PRKD3: variants seen among roughly 807,000 people sequenced by gnomAD.
PRKD3 encodes protein kinase D3, also known as serine/threonine-protein kinase D3.
PRKD3 carries 47 observed loss-of-function variants against 99.2 expected under a neutral mutation model. The ratio of observed to expected loss-of-function variants is 0.47; its 90% CI spans 0.38 to 0.60. PRKD3 has a LOEUF of 0.60. PRKD3 is among the 20% of genes least tolerant of loss of function. PRKD3 has a pLI of 0.00. For synonymous variants in PRKD3, 392 were observed against 355.4 expected (o/e 1.10, Z -1.16); for missense variants, 1,019 against 1,088.4 (o/e 0.94, Z 0.90).
At chr2:37,268,217 C>T (rs1304731658) in intron 13 of PRKD3, 4 of 428,204 alleles carry the variant, frequency 9.3e-6, no homozygotes, top group Admixed American at 3.0e-5. Flanking sequence ...TTTAGATTAA[C>T]TCATTTGTCT....
intron 7 of PRKD3, 120 bp from the exon 8 acceptor site, chr2:37,280,049 T>C (rs1172716156): frequency 7.5e-6 from 5 of 667,726 alleles, no homozygotes; most frequent in African/African-American, 1.9e-5. Flanking sequence ...AAGTAAAGTA[T>C]TTCTCTTTTT....
intron 15 of PRKD3, among the ~76,000 whole-genome samples, 181 bp from the exon 16 acceptor site, chr2:37,259,862 TATTTA>T (rs1668275009): frequency 6.6e-6 from 1 of 152,186 alleles, no homozygotes; most frequent in Non-Finnish European, 1.5e-5. Context: ...AAAGTACTGC[TATTTA>T]ATTATTTTAG....
rs138224322 is a variant in PRKD3, at chr2:37,266,845, T to C, written c.1884+585A>G. Among the ~76,000 whole-genome samples, 76 of 152,270 alleles carry C rather than the reference T, an allele frequency of 5.0e-4. No homozygotes were observed. In the East Asian group the frequency reaches 9.3e-3, roughly 19 times the overall value. Reference sequence around the variant, plus strand: ...AATAATATGCAAAAACTATATAACGTACATTTGCATATTATAAATTATTTA... The same window carrying C: ...AATAATATGCAAAAACTATATAACGCACATTTGCATATTATAAATTATTTA... On this transcript the variant is annotated intron_variant, in intron 14 of 18. Transcript: ENST00000234179.
chr2:37,277,312 C>G (rs1669622727), intron 9 of PRKD3, among the ~76,000 whole-genome samples: 1 of 152,098 alleles, frequency 6.6e-6, no homozygotes, highest in South Asian at 2.1e-4. Flanking sequence ...AAGTAACTTT[C>G]CCAAGTTCAT....
At chr2:37,257,337 CATAAAGGTACTCAA>C (rs934666701) in intron 16 of PRKD3, among the ~76,000 whole-genome samples, 12 of 152,092 alleles carry the variant, frequency 7.9e-5, no homozygotes, top group Non-Finnish European at 1.6e-4. Context: ...TGCCTGGACA[CATAAAGGTACTCAA>C]TGTTTGCTGA....
At chr2:37,306,229 C>A (rs1288128433) in intron 2 of PRKD3, among the ~76,000 whole-genome samples, 4 of 152,164 alleles carry the variant, frequency 2.6e-5, no homozygotes, top group Admixed American at 2.6e-4. Context: ...AGTGGCCTCC[C>A]AGCTGTGATC....
In PRKD3 at chr2:37,259,594, G is replaced by A. The variant is rs369992288; in HGVS notation, c.2134C>T (p.Pro712Ser). The change falls in exon 16 of 19, where the codon CCA becomes TCA. Residue 712 changes from proline (P) to serine (S), a missense_variant. Pro to Ser is a moderately conservative substitution (Grantham distance 74, BLOSUM62 -1). Coordinates refer to ENST00000234179, the MANE Select transcript of PRKD3 (RefSeq NM_005813.6). ...PENVLLASAE[P>S]FPQVKLCDFG... Reference sequence around the variant, plus strand: ...GGAGAATATCTCACCTGAGGAAATGGCTCTGCTGATGCAAGCAGCACATTT... The same window carrying A: ...GGAGAATATCTCACCTGAGGAAATGACTCTGCTGATGCAAGCAGCACATTT... 6.2e-6 allele frequency: 10 copies of A among 1,609,196 alleles called. No homozygotes were observed. In the Admixed American group the frequency reaches 1.7e-4, roughly 27 times the overall value.
chr2:37,283,172 C>T (rs896170867), intron 6 of PRKD3, among the ~76,000 whole-genome samples: 1 of 152,136 alleles, frequency 6.6e-6, no homozygotes, highest in Non-Finnish European at 1.5e-5. Context: ...ACAATCTGTC[C>T]AAAATTACTG....
intron 17 of PRKD3, 29 bp downstream of exon 17, chr2:37,256,627 AATTTTT>A (rs1558522134): frequency 3.7e-5 from 46 of 1,247,224 alleles, no homozygotes; most frequent in Middle Eastern, 2.7e-4. Context: ...ACATAGCCAA[AATTTTT>A]TTTTTTTTTT....
At chr2:37,315,558 G>T (rs1671621650) in intron 2 of PRKD3, among the ~76,000 whole-genome samples, 1 of 152,144 alleles carries the variant, frequency 6.6e-6, no homozygotes, top group African/African-American at 2.4e-5. Context: ...ATGGAGATGG[G>T]ACTCAGCTGC....
intron 8 of PRKD3, 73 bp downstream of exon 8, chr2:37,279,673 C>T (rs1362039946): frequency 2.6e-5 from 31 of 1,172,258 alleles, no homozygotes; most frequent in East Asian, 1.6e-4. Context: ...CTTAAAGAGA[C>T]GTGGCTTTTT....
chr2:37,263,311 C>T (rs137989901), intron 14 of PRKD3, among the ~76,000 whole-genome samples: 1 of 152,182 alleles, frequency 6.6e-6, no homozygotes. Flanking sequence ...AGCTTGTTTT[C>T]TGATTTTGTA....
chr2:37,289,379 A>G lies in PRKD3; in HGVS notation c.694T>C (p.Tyr232His). ...ACCTCTTCACTGGGAAGGGCTACAT[A>G]TTCAGGCTGTAGGGGTCTTGGAACT... The part of the protein sequence containing the change: ...LSVPRPLQPE[Y>H]VALPSEESHV... Residue 232 changes from tyrosine (Y) to histidine (H), a missense_variant, in exon 5 of 19, where the codon TAT becomes CAT. Coordinates refer to ENST00000234179, the MANE Select transcript of PRKD3 (RefSeq NM_005813.6). The G allele has an allele frequency of 6.2e-7, 1 of 1,614,128 alleles. No homozygotes were observed. Among genetic ancestry groups the G allele is most frequent in the Non-Finnish European group, 8.5e-7 (1 of 1,180,012 alleles).
intron 2 of PRKD3, among the ~76,000 whole-genome samples, chr2:37,313,177 C>T (rs934107145): frequency 6.6e-6 from 1 of 152,032 alleles, no homozygotes; most frequent in East Asian, 1.9e-4. Context: ...TGGTCTCTGT[C>T]ACAGCTACTC....
intron 1 of PRKD3, among the ~76,000 whole-genome samples, chr2:37,318,209 A>G (rs1671743878): frequency 6.6e-6 from 1 of 152,214 alleles, no homozygotes; most frequent in Non-Finnish European, 1.5e-5. Context: ...TAGGAATGGG[A>G]AAGCTCAGGA....
chr2:37,255,277 A>T (rs1277736128), intron 17 of PRKD3, among the ~76,000 whole-genome samples: 2 of 150,920 alleles, frequency 1.3e-5, no homozygotes, highest in Non-Finnish European at 1.5e-5. Context: ...ATGGAATATT[A>T]GTTAATCCTA....
intron 2 of PRKD3, among the ~76,000 whole-genome samples, chr2:37,296,842 G>C (rs956246915): frequency 1.4e-5 from 2 of 146,724 alleles, no homozygotes; most frequent in African/African-American, 5.0e-5. Flanking sequence ...GGAGGTTGTA[G>C]TGAGCTGAGA....
At chr2:37,309,562 T>C (rs1671325197) in intron 2 of PRKD3, among the ~76,000 whole-genome samples, 1 of 152,056 alleles carries the variant, frequency 6.6e-6, no homozygotes, top group African/African-American at 2.4e-5. Flanking sequence ...AAGAAGCATA[T>C]TTGGCCAAGC....
At chr2:37,286,935 C>G (rs1384062157) in intron 5 of PRKD3, among the ~76,000 whole-genome samples, 11 of 152,040 alleles carry the variant, frequency 7.2e-5, no homozygotes, top group Admixed American at 6.5e-4. Flanking sequence ...AGTTGGTTTT[C>G]TGCCTGGTCT....
Sources: allele counts gnomAD v4.1 joint callset (sites outside exome capture counted in the v4.1 genomes callset), GRCh38; gene constraint gnomAD v4.1.1; transcripts MANE v1.5; gene names NCBI Gene and HGNC (gene_info 2026-07-23, HGNC 2026-07-21).